The following CCSER1 variants were observed in gnomAD, a reference collection of about 807,000 sequenced individuals.
CCSER1 encodes coiled-coil serine rich protein 1, also known as serine-rich coiled-coil domain-containing protein 1.
A neutral mutation model predicts 82.0 loss-of-function variants in CCSER1; 41 were observed. That is an observed-to-expected ratio of 0.50 (90% confidence interval 0.39 to 0.65). The LOEUF is 0.65. CCSER1 is among the 30% of genes least tolerant of loss of function. The pLI is 0.00. For synonymous variants in CCSER1, 414 were observed against 383.9 expected (o/e 1.08, Z -0.92); for missense variants, 1,119 against 1,064.2 (o/e 1.05, Z -0.72).
At chr4:91,540,894 G>A (rs751449360) in intron 10 of CCSER1, among the ~76,000 whole-genome samples, 19 of 152,088 alleles carry the variant, frequency 1.2e-4, no homozygotes, top group Admixed American at 2.6e-4. Context: ...TCAGTTACAC[G>A]CCATTTATCA....
chr4:90,348,517 A>G (rs1456388301), intron 3 of CCSER1, among the ~76,000 whole-genome samples: 2 of 152,126 alleles, frequency 1.3e-5, no homozygotes, highest in Non-Finnish European at 2.9e-5. Flanking sequence ...AGGGCATGCT[A>G]TATTCCAGCT....
At chr4:90,862,858 A>G (rs1468753528) in intron 8 of CCSER1, among the ~76,000 whole-genome samples, 1 of 150,748 alleles carries the variant, frequency 6.6e-6, no homozygotes, top group Non-Finnish European at 1.5e-5. Context: ...CTTTAGGTTC[A>G]GAAAACCCGT....
Position 91,122,547 on chromosome 4 carries a change from A to C in CCSER1, c.2217+36553A>C, listed in dbSNP as rs140009039. Among the ~76,000 whole-genome samples, 432 of 151,904 alleles carry C rather than the reference A, an allele frequency of 2.8e-3. 2 individuals are homozygous for C. Among genetic ancestry groups the C allele is most frequent in the African/African-American group, 9.9e-3 (413 of 41,548 alleles). On this transcript the variant is annotated intron_variant, in intron 10 of 10. Coordinates refer to ENST00000509176, the MANE Select transcript of CCSER1 (RefSeq NM_001145065.2). ...CAAAATCCTATTTTTAAAATGATGC[A>C]AACAACCAAAACTAGAAAAAGGAAA...
chr4:90,935,650 G>A (rs1344318878), intron 9 of CCSER1, among the ~76,000 whole-genome samples: 1 of 152,102 alleles, frequency 6.6e-6, no homozygotes, highest in South Asian at 2.1e-4. Flanking sequence ...ATATTTAAAT[G>A]GCATTATAGT....
chr4:91,561,504 T>C (rs1762649784), intron 10 of CCSER1, among the ~76,000 whole-genome samples: 1 of 151,482 alleles, frequency 6.6e-6, no homozygotes, highest in African/African-American at 2.4e-5. Context: ...ATCCCTCATG[T>C]AGTCATTCTT....
At chr4:91,553,392 CAG>C (rs900639341) in intron 10 of CCSER1, among the ~76,000 whole-genome samples, 6 of 151,532 alleles carry the variant, frequency 4.0e-5, no homozygotes, top group African/African-American at 1.5e-4. Context: ...GCTATGGTAT[CAG>C]GGTCATTCTG....
intron 9 of CCSER1, among the ~76,000 whole-genome samples, chr4:90,996,744 A>G (rs547885548): frequency 6.6e-6 from 1 of 152,312 alleles, no homozygotes; most frequent in African/African-American, 2.4e-5. Context: ...AATGTTATTG[A>G]AATGAAATCA....
intron 10 of CCSER1, among the ~76,000 whole-genome samples, chr4:91,594,412 C>CAT (rs201258284): frequency 1.7e-5 from 2 of 120,282 alleles, no homozygotes; most frequent in African/African-American, 5.9e-5. Context: ...CATATATACA[C>CAT]ATATATATAC....
intron 9 of CCSER1, among the ~76,000 whole-genome samples, chr4:90,978,694 A>G (rs1028725402): frequency 1.2e-4 from 18 of 151,908 alleles, no homozygotes; most frequent in African/African-American, 3.9e-4. Context: ...CCGTAATTCA[A>G]TCTTTCTCTT....
intron 7 of CCSER1, among the ~76,000 whole-genome samples, chr4:90,814,946 C>T (rs1580610660): frequency 6.6e-6 from 1 of 152,116 alleles, no homozygotes; most frequent in African/African-American, 2.4e-5. Context: ...AAGGTGCTTC[C>T]ACATTTTCAG....
At chr4:91,277,619 T>C (rs1273387948) in intron 10 of CCSER1, among the ~76,000 whole-genome samples, 3 of 151,646 alleles carry the variant, frequency 2.0e-5, no homozygotes, top group Admixed American at 6.6e-5. Context: ...TACTTATCTT[T>C]TTTAAAAAAC....
At chr4:90,432,982 C>T (rs1758504658) in intron 4 of CCSER1, among the ~76,000 whole-genome samples, 2 of 152,148 alleles carry the variant, frequency 1.3e-5, no homozygotes, top group Non-Finnish European at 2.9e-5. Context: ...TTTCTTCCTA[C>T]TTTGCTTATA....
chr4:90,643,746 A>T (rs1416715368), intron 6 of CCSER1, among the ~76,000 whole-genome samples: 1 of 152,190 alleles, frequency 6.6e-6, no homozygotes. Flanking sequence ...AAATTTAAGA[A>T]TGTAATTTAA....
chr4:90,804,647 A>G (rs1182774585), intron 7 of CCSER1, among the ~76,000 whole-genome samples: 1 of 152,122 alleles, frequency 6.6e-6, no homozygotes, highest in Non-Finnish European at 1.5e-5. Context: ...GTTCAAAATA[A>G]TTTATGGATT....
At chr4:90,746,297 A>G (rs1017716070) in intron 7 of CCSER1, among the ~76,000 whole-genome samples, 1 of 152,162 alleles carries the variant, frequency 6.6e-6, no homozygotes, top group Non-Finnish European at 1.5e-5. Context: ...GAATGAGTAA[A>G]TTGTTAAATG....
intron 10 of CCSER1, among the ~76,000 whole-genome samples, chr4:91,295,565 T>C (rs962592407): frequency 6.6e-6 from 1 of 151,930 alleles, no homozygotes; most frequent in African/African-American, 2.4e-5. Flanking sequence ...AAAATATCAA[T>C]TTTATTATTT....
chr4:90,487,433 A>G (rs980790173), intron 5 of CCSER1, among the ~76,000 whole-genome samples: 1 of 152,186 alleles, frequency 6.6e-6, no homozygotes, highest in Non-Finnish European at 1.5e-5. Context: ...TACAGTAGTC[A>G]TTTTATCTCT....
At chr4:91,177,441 T>C (rs925369617) in intron 10 of CCSER1, among the ~76,000 whole-genome samples, 1 of 152,218 alleles carries the variant, frequency 6.6e-6, no homozygotes, top group Non-Finnish European at 1.5e-5. Context: ...TGTGAATCCA[T>C]CTGGTCCTGG....
At chr4:91,288,346 C>G (rs1329314276) in intron 10 of CCSER1, among the ~76,000 whole-genome samples, 1 of 151,602 alleles carries the variant, frequency 6.6e-6, no homozygotes, top group African/African-American at 2.4e-5. Context: ...ACACGGCAAC[C>G]AACTAACCTG....
Sources: allele counts gnomAD v4.1 joint callset (sites outside exome capture counted in the v4.1 genomes callset), GRCh38; gene constraint gnomAD v4.1.1; transcripts MANE v1.5; gene names NCBI Gene and HGNC (gene_info 2026-07-23, HGNC 2026-07-21).